The following KMT2E variants were observed in gnomAD, a reference collection of about 807,000 sequenced individuals.
The protein encoded by KMT2E is lysine methyltransferase 2E (inactive).
A neutral mutation model predicts 184.6 loss-of-function variants in KMT2E; 30 were observed. The ratio of observed to expected loss-of-function variants is 0.16; its 90% confidence interval spans 0.12 to 0.22. The LOEUF (loss-of-function observed/expected upper bound fraction) is 0.22. Among genes scored for constraint, KMT2E ranks in the 10% least tolerant of loss-of-function variants. KMT2E has a pLI of 1.00. For synonymous variants in KMT2E, 815 were observed against 776.5 expected (o/e 1.05, Z -0.82); for missense variants, 2,023 against 2,237.4 (o/e 0.90, Z 1.93).
chr7:105,087,073 A>G (rs1798004346), intron 13 of KMT2E, among the ~76,000 whole-genome samples: 1 of 147,108 alleles, frequency 6.8e-6, no homozygotes, highest in African/African-American at 2.5e-5. Context: ...AATATATAAT[A>G]CATAATATAT....
At chr7:105,048,254 C>G (rs1325221346) in intron 3 of KMT2E, among the ~76,000 whole-genome samples, 1 of 152,104 alleles carries the variant, frequency 6.6e-6, no homozygotes, top group East Asian at 1.9e-4. Flanking sequence ...CCAGGCTAGT[C>G]TTGAACTCTT....
At chr7:105,044,391 T>A (rs935101109) in intron 3 of KMT2E, among the ~76,000 whole-genome samples, 7 of 152,308 alleles carry the variant, frequency 4.6e-5, no homozygotes, top group Middle Eastern at 6.8e-3. Flanking sequence ...CTTTAAGGTA[T>A]TTTTTTCTTT....
chr7:105,113,225 G>A lies in KMT2E; in HGVS notation c.5469G>A (p.Gly1823=). ...PHPGSVALPH[G]VQGPQQASPV... ...CTGGCTCTGTGGCCCTGCCACATGGGGTTCAAGGACCTCAGCAGGCATCTC... is the reference window on the plus strand; with the variant it reads ...CTGGCTCTGTGGCCCTGCCACATGGAGTTCAAGGACCTCAGCAGGCATCTC... The change falls in exon 27 of 27, where the codon GGG becomes GGA. Residue 1823 remains glycine, a synonymous_variant. Transcript: ENST00000311117. The A allele has an allele frequency of 1.2e-6, 2 of 1,614,172 alleles. No individual in the cohort carries two copies. The highest frequency in any genetic ancestry group is 1.7e-6 in the Non-Finnish European group (2 of 1,180,036).
chr7:105,030,956 A>G (rs1476549286), intron 1 of KMT2E, among the ~76,000 whole-genome samples: 1 of 152,252 alleles, frequency 6.6e-6, no homozygotes, highest in Non-Finnish European at 1.5e-5. Flanking sequence ...AAGAAGAAAA[A>G]TCTCAAGTTT....
At chr7:105,085,343 G>T (rs1797922598) in intron 13 of KMT2E, among the ~76,000 whole-genome samples, 1 of 152,134 alleles carries the variant, frequency 6.6e-6, no homozygotes, top group South Asian at 2.1e-4. Context: ...GAGGTCAGGG[G>T]TTCAAAACCA....
chr7:105,106,401 GT>G, intron 19 of KMT2E, 120 bp from the exon 20 acceptor site: 1 of 940,714 alleles, frequency 1.1e-6, no homozygotes, highest in Non-Finnish European at 1.6e-6. Context: ...GTGAAATTCA[GT>G]TTTGGGGTAA....
intron 13 of KMT2E, chr7:105,089,391 G>T (rs1015951900): frequency 1.4e-5 from 4 of 285,186 alleles, no homozygotes; most frequent in Admixed American, 5.2e-5. Context: ...TAGAGACGGG[G>T]TTTCACCATG....
chr7:105,046,965 G>T (rs567917349), intron 3 of KMT2E, among the ~76,000 whole-genome samples: 17 of 152,298 alleles, frequency 1.1e-4, no homozygotes, highest in Admixed American at 1.3e-4. Context: ...TGTACTTATG[G>T]CTAAGATTTA....
At chr7:105,062,128 A>C (rs1796839098) in intron 3 of KMT2E, 36 bp from the exon 4 acceptor site, 1 of 1,294,174 alleles carries the variant, frequency 7.7e-7, no homozygotes, top group South Asian at 1.2e-5. Context: ...AAAAAAAAAG[A>C]ATGGAATTCT....
chr7:105,026,374 G>A (rs1207661851), intron 1 of KMT2E, among the ~76,000 whole-genome samples: 4 of 152,142 alleles, frequency 2.6e-5, no homozygotes, highest in East Asian at 1.9e-4. Flanking sequence ...CTTTGTTGTC[G>A]TGTGAGATTT....
chr7:105,065,977 A>G (rs1797009360), intron 5 of KMT2E, among the ~76,000 whole-genome samples: 3 of 152,116 alleles, frequency 2.0e-5, no homozygotes, highest in African/African-American at 7.2e-5. Context: ...AATTAGGTTT[A>G]ATCTCTGTCC....
chr7:105,064,164 GTTTTTTTT>G (rs66946883), intron 5 of KMT2E: 56 of 76,114 alleles, frequency 7.4e-4, no homozygotes, highest in East Asian at 3.7e-3. Flanking sequence ...TTTTTTCTTG[GTTTTTTTT>G]TTTTTTTTTT....
intron 1 of KMT2E, among the ~76,000 whole-genome samples, chr7:105,019,279 C>T (rs1794845609): frequency 2.0e-5 from 3 of 152,116 alleles, no homozygotes; most frequent in Admixed American, 2.0e-4. Flanking sequence ...TTATATTTCA[C>T]GAGATAACAT....
At chr7:105,060,473 C>G (rs1796769458) in intron 3 of KMT2E, among the ~76,000 whole-genome samples, 1 of 152,106 alleles carries the variant, frequency 6.6e-6, no homozygotes, top group Non-Finnish European at 1.5e-5. Context: ...GTTGCCCAGG[C>G]TAGAGTGCAG....
At chr7:105,088,070 T>C (rs1798056982) in intron 13 of KMT2E, among the ~76,000 whole-genome samples, 1 of 152,146 alleles carries the variant, frequency 6.6e-6, no homozygotes, top group Non-Finnish European at 1.5e-5. Context: ...CTCTCGAAGG[T>C]AGGAGATTTA....
In KMT2E at chr7:105,110,495, T is replaced by C; in HGVS notation, c.3863T>C (p.Val1288Ala). Residue 1288 changes from valine to alanine, a missense_variant, in exon 25 of 27, where the codon GTC (valine) becomes GCC (alanine). Coordinates refer to ENST00000311117, the MANE Select transcript of KMT2E (RefSeq NM_182931.3). ...TCTCTAGGGGGAGAATCACCATGTG[T>C]CTCATGTTCACCGAGTCATGTTCAG... ...DKDSGGESPC[V>A]SCSPSHVQSS... 6.2e-7 allele frequency: 1 copy of C among 1,614,234 alleles called. No individual in the cohort carries two copies. The highest frequency in any genetic ancestry group is 8.5e-7 in the Non-Finnish European group (1 of 1,180,028).
chr7:105,041,031 T>A lies in KMT2E; in HGVS notation c.71+8T>A, dbSNP rs763691765. The A allele has an allele frequency of 6.4e-7, 1 of 1,556,976 alleles. No individual in the cohort carries two copies. The highest frequency in any genetic ancestry group is 1.1e-5 in the South Asian group (1 of 88,298). ...AATGGCTGCAGGTTCAGAGTAAGTATTTAAATTGGTTACATAAGCAAAAAA... is the reference window on the plus strand; with the variant it reads ...AATGGCTGCAGGTTCAGAGTAAGTAATTAAATTGGTTACATAAGCAAAAAA... On this transcript the variant is annotated splice_region_variant and intron_variant, in intron 3 of 26. Transcript: ENST00000311117.
At chr7:105,072,268 A>G (rs760618947) in intron 6 of KMT2E, among the ~76,000 whole-genome samples, 5 of 152,140 alleles carry the variant, frequency 3.3e-5, no homozygotes, top group Non-Finnish European at 7.4e-5. Context: ...CAGTGAGCCA[A>G]GGTCGCACCA....
chr7:105,015,902 TG>T (rs534760202), intron 1 of KMT2E, among the ~76,000 whole-genome samples: 243 of 151,818 alleles, frequency 1.6e-3, no homozygotes, highest in African/African-American at 5.5e-3. Context: ...GCAAATAAAA[TG>T]TCTCCACTTT....
Sources: allele counts gnomAD v4.1 joint callset (sites outside exome capture counted in the v4.1 genomes callset), GRCh38; gene constraint gnomAD v4.1.1; transcripts MANE v1.5; gene names NCBI Gene and HGNC (gene_info 2026-07-23, HGNC 2026-07-21).